The following BCAS4 variants were observed in gnomAD, a reference collection of about 807,000 sequenced individuals.
BCAS4 encodes breast carcinoma-amplified sequence 4.
A neutral mutation model predicts 15.7 loss-of-function variants in BCAS4; 9 were observed. The ratio of observed to expected loss-of-function variants is 0.57; its 90% CI spans 0.34 to 1.00. The LOEUF is 1.00. BCAS4 is among the 50% of genes least tolerant of loss of function. The pLI, the probability that BCAS4 is intolerant of heterozygous loss-of-function variation, is 0.02. For missense variants in BCAS4, 225 were observed against 239.1 expected (o/e 0.94, Z 0.39); for synonymous variants, 101 against 99.5 (o/e 1.02, Z -0.09).
chr20:50,796,458 T>TAC (rs2087859162), intron 1 of BCAS4, among the ~76,000 whole-genome samples: 1 of 13,612 alleles, frequency 7.3e-5, no homozygotes, highest in Non-Finnish European at 1.3e-4. Context: ...TCTCCATATA[T>TAC]ATATATATAT....
intron 3 of BCAS4, among the ~76,000 whole-genome samples, chr20:50,839,384 A>G (rs980434790): frequency 6.6e-6 from 1 of 151,922 alleles, no homozygotes; most frequent in African/African-American, 2.4e-5. Context: ...GTGTAGATTT[A>G]TTGCTAACAT....
chr20:50,796,084 A>T (rs568297961), intron 1 of BCAS4, among the ~76,000 whole-genome samples: 3 of 150,528 alleles, frequency 2.0e-5, no homozygotes, highest in Admixed American at 6.7e-5. Context: ...TGAGACATTT[A>T]AAAAAAAATC....
chr20:50,876,242 C>T (rs1009455098), intron 4 of BCAS4: 20 of 467,016 alleles, frequency 4.3e-5, no homozygotes, highest in Non-Finnish European at 6.7e-5. Flanking sequence ...TGAGCCACTG[C>T]GCCTGGGCTG....
upstream of BCAS4, chr20:50,794,994 A>G (rs1302436333): frequency 1.3e-5 from 17 of 1,317,152 alleles, no homozygotes; most frequent in South Asian, 4.0e-5. Flanking sequence ...TCCGCGGGGC[A>G]TGCAGCGGAC....
Position 50,841,876 on chromosome 20 carries a change from C to T in BCAS4, c.375C>T (p.Ser125=), listed in dbSNP as rs111708986. 1.7e-4 allele frequency: 279 copies of T among 1,595,960 alleles called. 4 individuals are homozygous for T. The South Asian group carries it at 2.5e-3, about 14-fold the overall frequency. The part of the protein sequence containing the change: ...FPQALRRWLG[S]AGLPSFRNKS... ...AGGCCCTGCGGAGGTGGCTGGGATCCGCAGGGCTCCCCTCCTTCAGGAACG... is the reference window on the plus strand; with the variant it reads ...AGGCCCTGCGGAGGTGGCTGGGATCTGCAGGGCTCCCCTCCTTCAGGAACG... The change falls in exon 4 of 5, where the codon TCC becomes TCT. Residue 125 remains serine, a synonymous_variant. Transcript: ENST00000371608.
intron 4 of BCAS4, among the ~76,000 whole-genome samples, chr20:50,875,162 G>C (rs962162068): frequency 6.6e-6 from 1 of 152,208 alleles, no homozygotes. Flanking sequence ...ACCCCCTGGC[G>C]TGGGCCCCGG....
rs147896603 is a variant in BCAS4 at position 50,820,531 on chromosome 20, A to G, written c.162+2249A>G. ...TGGGTGAAGGATCGTGGTTGCGGGC[A>G]GGGAAGGCAGGTCGGGAGGATGGTG... On this transcript the variant is annotated intron_variant, in intron 2 of 4. Coordinates refer to ENST00000371608, the MANE Select transcript of BCAS4 (RefSeq NM_198799.4). 2.0e-3 allele frequency among the ~76,000 whole-genome samples: 310 copies of G among 152,298 alleles called. 3 individuals are homozygous for G. Among genetic ancestry groups the G allele is most frequent in the African/African-American group, 7.2e-3 (299 of 41,562 alleles).
At chr20:50,874,240 T>C (rs1281972361) in intron 4 of BCAS4, among the ~76,000 whole-genome samples, 2 of 152,178 alleles carry the variant, frequency 1.3e-5, no homozygotes, top group Non-Finnish European at 2.9e-5. Flanking sequence ...CAGCCCTTTG[T>C]CTGGCTTCCT....
chr20:50,868,190 G>A (rs1979449971), intron 4 of BCAS4, among the ~76,000 whole-genome samples: 2 of 152,186 alleles, frequency 1.3e-5, no homozygotes, highest in Admixed American at 1.3e-4. Context: ...GCTGCTGGAC[G>A]TGGGTCACCT....
At chr20:50,796,257 T>C (rs946737642) in intron 1 of BCAS4, among the ~76,000 whole-genome samples, 1 of 138,490 alleles carries the variant, frequency 7.2e-6, no homozygotes, top group African/African-American at 2.7e-5. Flanking sequence ...TAATCCCAGC[T>C]ACTTGGGAGG....
At chr20:50,842,677 C>G (rs896596389) in intron 4 of BCAS4, among the ~76,000 whole-genome samples, 7 of 152,214 alleles carry the variant, frequency 4.6e-5, no homozygotes, top group African/African-American at 1.7e-4. Flanking sequence ...CTTGGCCTCC[C>G]AAAGTGCTGG....
At chr20:50,860,255 T>G (rs754457410) in intron 4 of BCAS4, among the ~76,000 whole-genome samples, 13 of 152,314 alleles carry the variant, frequency 8.5e-5, no homozygotes, top group Non-Finnish European at 1.3e-4. Flanking sequence ...GCTGATCCCA[T>G]GCAGAGCTCC....
intron 3 of BCAS4, among the ~76,000 whole-genome samples, chr20:50,838,055 A>G (rs999680591): frequency 4.6e-5 from 7 of 152,048 alleles, no homozygotes; most frequent in African/African-American, 1.4e-4. Context: ...CAGCCCTGCT[A>G]CAGCCAGAAC....
intron 4 of BCAS4, among the ~76,000 whole-genome samples, chr20:50,870,621 T>C (rs960222468): frequency 5.3e-5 from 8 of 152,272 alleles, no homozygotes; most frequent in Admixed American, 2.6e-4. Flanking sequence ...CATGAGGGAC[T>C]GTGGGCCCGG....
intron 4 of BCAS4, among the ~76,000 whole-genome samples, chr20:50,863,279 A>G (rs1197963986): frequency 1.2e-5 from 1 of 82,018 alleles, no homozygotes; most frequent in Non-Finnish European, 2.1e-5. Flanking sequence ...TTTTTTTGAG[A>G]CGGAGTCTCA....
chr20:50,852,307 C>A (rs1446258644), intron 4 of BCAS4, among the ~76,000 whole-genome samples: 3 of 152,162 alleles, frequency 2.0e-5, no homozygotes, highest in African/African-American at 7.2e-5. Context: ...GGAGGCGGGG[C>A]CCTCAGCTGC....
chr20:50,862,714 T>C (rs189531155), intron 4 of BCAS4, among the ~76,000 whole-genome samples: 1 of 151,952 alleles, frequency 6.6e-6, no homozygotes, highest in Admixed American at 6.5e-5. Flanking sequence ...TGGGCTGTGC[T>C]TCTCTGTAGG....
At chr20:50,808,834 A>C (rs1423090837) in intron 1 of BCAS4, among the ~76,000 whole-genome samples, 1 of 151,984 alleles carries the variant, frequency 6.6e-6, no homozygotes, top group East Asian at 1.9e-4. Flanking sequence ...GAAGCTTTTT[A>C]GTTTAAGTCC....
At chr20:50,845,778 T>C (rs2088536260) in intron 4 of BCAS4, among the ~76,000 whole-genome samples, 1 of 152,214 alleles carries the variant, frequency 6.6e-6, no homozygotes, top group African/African-American at 2.4e-5. Flanking sequence ...TGGAGAGGGC[T>C]GAGGTGGGAC....
Sources: gnomAD v4.1 joint callset for allele counts (sites outside exome capture counted in the v4.1 genomes callset) on GRCh38, gnomAD v4.1.1 for gene constraint, MANE v1.5 for transcripts, NCBI Gene and HGNC (gene_info 2026-07-23, HGNC 2026-07-21) for gene names.